Variants in CNOT6 observed in about 807,000 individuals in gnomAD.
CNOT6 encodes carbon catabolite repression 4 protein.
A neutral mutation model predicts 61.2 loss-of-function variants in CNOT6; 12 were observed. The observed-to-expected ratio is 0.20, with a 90% CI of 0.13 to 0.32. The LOEUF is 0.32. Ranked by LOEUF, CNOT6 falls within the 10% of genes least tolerant of loss-of-function variation. The pLI, the probability that CNOT6 is intolerant of heterozygous loss-of-function variation, is 1.00. For synonymous variants in CNOT6, 225 were observed against 240.6 expected, an observed-to-expected ratio of 0.94 and a Z score of 0.60; for missense variants, 405 against 663.9, an observed-to-expected ratio of 0.61 and a Z score of 4.28.
At position 180,574,835 on chromosome 5, in the gene CNOT6, T is replaced by C. The variant is rs1318979947; in HGVS notation, c.*635T>C. 1 of 153,046 alleles carries C rather than the reference T, an allele frequency of 6.5e-6. No individual in the cohort carries two copies. The highest frequency in any genetic ancestry group is 2.4e-5 in the African/African-American group (1 of 41,470). The allele number at this position is 153,046 out of a possible 1,614,324, so 9.5% of individuals were successfully genotyped here. ...CATGATTTGCACTCTTAGGGTTTTG[T>C]TAGCCCTTTTGTACTACTTTCTTTT... On this transcript the variant is annotated 3_prime_UTR_variant, in exon 12 of 12. Coordinates refer to ENST00000261951, the MANE Select transcript of CNOT6 (RefSeq NM_001370472.1).
intron 11 of CNOT6, among the ~76,000 whole-genome samples, chr5:180,573,181 G>A (rs1383661547): frequency 1.3e-5 from 2 of 152,176 alleles, no homozygotes; most frequent in Non-Finnish European, 2.9e-5. Flanking sequence ...ACTTGAATGT[G>A]CTTCAGTACA....
At chr5:180,528,676 A>AT (rs1758210242) in intron 1 of CNOT6, among the ~76,000 whole-genome samples, 1 of 152,154 alleles carries the variant, frequency 6.6e-6, no homozygotes, top group Admixed American at 6.5e-5. Flanking sequence ...AAAATTATGA[A>AT]TTCATGAAGT....
chr5:180,550,343 C>G (rs1483782324), intron 3 of CNOT6, among the ~76,000 whole-genome samples: 1 of 151,712 alleles, frequency 6.6e-6, no homozygotes, highest in East Asian at 1.9e-4. Context: ...CCCAGCTACT[C>G]GGGAGGCTGA....
At chr5:180,526,660 C>A (rs894182067) in intron 1 of CNOT6, among the ~76,000 whole-genome samples, 2 of 152,130 alleles carry the variant, frequency 1.3e-5, no homozygotes, top group Non-Finnish European at 2.9e-5. Flanking sequence ...TTTAAACTTA[C>A]ATGGTCATAG....
At chr5:180,520,441 A>G (rs1254333122) in intron 1 of CNOT6, among the ~76,000 whole-genome samples, 2 of 152,058 alleles carry the variant, frequency 1.3e-5, no homozygotes, top group African/African-American at 4.8e-5. Flanking sequence ...TAGGAGATCA[A>G]GACCATCCTG....
intron 2 of CNOT6, among the ~76,000 whole-genome samples, chr5:180,541,635 G>A (rs185421069): frequency 1.7e-4 from 25 of 150,800 alleles, no homozygotes; most frequent in Admixed American, 1.5e-3. Flanking sequence ...TGTATTTTTA[G>A]TGAAGACGGG....
chr5:180,520,822 C>T (rs1757850258), intron 1 of CNOT6, among the ~76,000 whole-genome samples: 1 of 151,590 alleles, frequency 6.6e-6, no homozygotes, highest in Non-Finnish European at 1.5e-5. Flanking sequence ...AACATTCCAT[C>T]TTTTTATTTT....
At chr5:180,515,751 GAGTT>G (rs894778241) in intron 1 of CNOT6, among the ~76,000 whole-genome samples, 1 of 152,090 alleles carries the variant, frequency 6.6e-6, no homozygotes, top group Non-Finnish European at 1.5e-5. Flanking sequence ...TTCTGCACGT[GAGTT>G]TATTTCTTCC....
intron 4 of CNOT6, among the ~76,000 whole-genome samples, chr5:180,560,011 C>T (rs966685293): frequency 6.6e-5 from 10 of 150,558 alleles, no homozygotes; most frequent in African/African-American, 1.7e-4. Flanking sequence ...TGCAGTGGCG[C>T]GATCTCGGCT....
intron 10 of CNOT6, 99 bp from the exon 11 acceptor site, chr5:180,571,131 G>A (rs1361126323): frequency 1.4e-5 from 11 of 765,462 alleles, no homozygotes; most frequent in South Asian, 5.5e-5. Context: ...ATTTTGGAAC[G>A]TGGGAATATG....
At chr5:180,508,267 G>C (rs1757220906) in intron 1 of CNOT6, among the ~76,000 whole-genome samples, 1 of 152,166 alleles carries the variant, frequency 6.6e-6, no homozygotes, top group Non-Finnish European at 1.5e-5. Context: ...TTGGAAATCT[G>C]GGTGTAAGCA....
In CNOT6 at chr5:180,564,469, T is replaced by A. The variant is rs768825980; in HGVS notation, c.386-20T>A. On this transcript the variant is annotated intron_variant, in intron 4 of 11. Coordinates refer to ENST00000261951, the MANE Select transcript of CNOT6 (RefSeq NM_001370472.1). ...TTTTATTACTTAGTTTCATTTTACT[T>A]ATTTCAAAAATATTTCCAGGAAATC... The A allele has an allele frequency of 2.0e-5, 30 of 1,523,698 alleles. No individual in the cohort carries two copies. 94.4% of individuals were successfully genotyped at this position (1,523,698 alleles called of 1,614,324 possible).
At chr5:180,524,105 T>A (rs1041108170) in intron 1 of CNOT6, among the ~76,000 whole-genome samples, 5 of 152,196 alleles carry the variant, frequency 3.3e-5, no homozygotes, top group Non-Finnish European at 5.9e-5. Flanking sequence ...GGCATTTGAT[T>A]GGTAAGATGT....
At chr5:180,555,694 A>G (rs1759847657) in intron 4 of CNOT6, among the ~76,000 whole-genome samples, 1 of 152,182 alleles carries the variant, frequency 6.6e-6, no homozygotes, top group African/African-American at 2.4e-5. Flanking sequence ...AAGCAATTGT[A>G]TCATCTTTGC....
At chr5:180,521,756 A>G (rs1757890651) in intron 1 of CNOT6, among the ~76,000 whole-genome samples, 1 of 152,086 alleles carries the variant, frequency 6.6e-6, no homozygotes, top group Non-Finnish European at 1.5e-5. Flanking sequence ...TTGTGTCCAT[A>G]TGTACCCAGT....
chr5:180,566,014 A>G (rs1561664752), intron 7 of CNOT6, 37 bp downstream of exon 7: 11 of 1,568,188 alleles, frequency 7.0e-6, no homozygotes, highest in Non-Finnish European at 9.5e-6. Flanking sequence ...TAGCATTGAT[A>G]AAGGAAGGAG....
intron 4 of CNOT6, among the ~76,000 whole-genome samples, chr5:180,561,933 A>C (rs541717016): frequency 1.3e-5 from 2 of 152,194 alleles, no homozygotes; most frequent in African/African-American, 4.8e-5. Context: ...CCACTTGCTC[A>C]TGCTGGCATG....
chr5:180,564,988 G>A (rs962248608), intron 6 of CNOT6, among the ~76,000 whole-genome samples: 4 of 152,216 alleles, frequency 2.6e-5, no homozygotes, highest in Non-Finnish European at 5.9e-5. Context: ...AGGACATTTG[G>A]CAATGTCTGG....
intron 1 of CNOT6, among the ~76,000 whole-genome samples, chr5:180,523,508 T>C (rs1757964428): frequency 1.3e-5 from 2 of 152,202 alleles, no homozygotes; most frequent in Non-Finnish European, 2.9e-5. Context: ...CTCTCCCCCT[T>C]TCTTAGGGTT....
Sources: allele counts gnomAD v4.1 joint callset (sites outside exome capture counted in the v4.1 genomes callset), GRCh38; gene constraint gnomAD v4.1.1; transcripts MANE v1.5; gene names NCBI Gene and HGNC (gene_info 2026-07-23, HGNC 2026-07-21).